ANKS1B: variants seen among roughly 807,000 people sequenced by gnomAD.
The protein encoded by ANKS1B is ankyrin repeat and sterile alpha motif domain-containing protein 1B.
Under a neutral mutation model 148.3 loss-of-function variants are expected in ANKS1B, and 36 were observed. That is an observed-to-expected ratio of 0.24 (90% CI 0.19 to 0.32). ANKS1B has a LOEUF of 0.32. Ranked by LOEUF, ANKS1B falls within the 10% of genes least tolerant of loss-of-function variation. ANKS1B has a pLI of 1.00. For synonymous variants in ANKS1B, 542 were observed against 560.8 expected, an observed-to-expected ratio of 0.97 and a Z score of 0.47; for missense variants, 1,157 against 1,542.6, an observed-to-expected ratio of 0.75 and a Z score of 4.19.
At chr12:98,954,433 GAT>G (rs1206625607) in intron 17 of ANKS1B, 2 of 152,202 alleles carry the variant, frequency 1.3e-5, no homozygotes, top group Non-Finnish European at 2.9e-5. Flanking sequence ...TTGCCAATGA[GAT>G]ACTGTTAAGA....
intron 9 of ANKS1B, among the ~76,000 whole-genome samples, chr12:99,551,507 T>C (rs1201601124): frequency 1.6e-5 from 2 of 123,588 alleles, no homozygotes; most frequent in East Asian, 4.8e-4. Context: ...ATGTTTACTA[T>C]GAGTTGGAAG....
At chr12:99,544,675 A>G (rs1273583234) in intron 9 of ANKS1B, among the ~76,000 whole-genome samples, 1 of 152,142 alleles carries the variant, frequency 6.6e-6, no homozygotes, top group Non-Finnish European at 1.5e-5. Context: ...GTCATTCAGG[A>G]TGACAGAACA....
chr12:99,117,976 T>C (rs1185374101), intron 15 of ANKS1B, among the ~76,000 whole-genome samples: 1 of 152,238 alleles, frequency 6.6e-6, no homozygotes, highest in Non-Finnish European at 1.5e-5. Context: ...TTTTCTAGTT[T>C]ATATGCATAG....
chr12:99,614,349 C>T (rs2097928710), intron 9 of ANKS1B, among the ~76,000 whole-genome samples: 1 of 151,634 alleles, frequency 6.6e-6, no homozygotes. Context: ...ACATGAGAAT[C>T]ACTTGAATGC....
intron 11 of ANKS1B, among the ~76,000 whole-genome samples, chr12:99,403,767 T>C (rs1594090750): frequency 1.4e-5 from 2 of 145,866 alleles, no homozygotes; most frequent in East Asian, 3.8e-4. Context: ...ATTTTGAGGA[T>C]ATTTCTGTTC....
chr12:99,630,756 G>A (rs1418185987), intron 9 of ANKS1B, among the ~76,000 whole-genome samples: 1 of 152,156 alleles, frequency 6.6e-6, no homozygotes, highest in Non-Finnish European at 1.5e-5. Flanking sequence ...GACTCACTGT[G>A]TGATGCCCCG....
chr12:98,949,479 T>C (rs1168914929), intron 17 of ANKS1B, among the ~76,000 whole-genome samples: 1 of 152,216 alleles, frequency 6.6e-6, no homozygotes, highest in East Asian at 1.9e-4. Flanking sequence ...CTTTAAAATC[T>C]TGACTCTTTG....
chr12:98,765,064 A>C (rs972913154), intron 25 of ANKS1B, among the ~76,000 whole-genome samples: 2 of 152,234 alleles, frequency 1.3e-5, no homozygotes, highest in African/African-American at 4.8e-5. Flanking sequence ...CCGGGACATA[A>C]AGCCTCACAC....
intron 16 of ANKS1B, among the ~76,000 whole-genome samples, chr12:99,077,677 T>G (rs780648860): frequency 6.6e-6 from 1 of 152,176 alleles, no homozygotes; most frequent in Non-Finnish European, 1.5e-5. Context: ...GTTAAGGACT[T>G]AGAGAGCACT....
intron 1 of ANKS1B, among the ~76,000 whole-genome samples, chr12:99,915,809 G>GT (rs1296488638): frequency 1.3e-5 from 2 of 152,174 alleles, no homozygotes; most frequent in Non-Finnish European, 2.9e-5. Context: ...TCAAGACATT[G>GT]TTGGTTCCTT....
At chr12:99,020,587 A>G (rs1434558975) in intron 17 of ANKS1B, among the ~76,000 whole-genome samples, 2 of 152,130 alleles carry the variant, frequency 1.3e-5, no homozygotes, top group Non-Finnish European at 2.9e-5. Context: ...TATTTTTCCT[A>G]TAGCCAATGA....
chr12:99,811,249 C>A (rs1015573002), intron 3 of ANKS1B, among the ~76,000 whole-genome samples: 2 of 151,888 alleles, frequency 1.3e-5, no homozygotes, highest in Non-Finnish European at 2.9e-5. Context: ...GCAAAGTCTG[C>A]ATCCATTTGA....
intron 12 of ANKS1B, among the ~76,000 whole-genome samples, chr12:99,281,874 T>C (rs1374772123): frequency 6.6e-6 from 1 of 152,204 alleles, no homozygotes; most frequent in African/African-American, 2.4e-5. Flanking sequence ...ATGCTGATAC[T>C]CAACTTTATT....
chr12:98,841,605 A>T (rs2099406421), intron 17 of ANKS1B, among the ~76,000 whole-genome samples: 1 of 152,224 alleles, frequency 6.6e-6, no homozygotes, highest in South Asian at 2.1e-4. Flanking sequence ...CACAGATTTT[A>T]CTTAGCCTAG....
chr12:98,859,938 A>G lies in ANKS1B; in HGVS notation c.2779-27802T>C, dbSNP rs550525461. 4.4e-3 allele frequency among the ~76,000 whole-genome samples: 663 copies of G among 152,340 alleles called. 1 individual carries two copies. Among genetic ancestry groups the G allele is most frequent in the Admixed American group, 6.5e-3 (100 of 15,300 alleles). ...TCATATTTTCTTTATTACACAGGAA[A>G]AAAACTTTATTGCACAGACAAACAG... On this transcript the variant is annotated intron_variant, in intron 17 of 26. Transcript: ENST00000683438.
intron 10 of ANKS1B, among the ~76,000 whole-genome samples, chr12:99,467,613 A>G (rs1471417602): frequency 2.0e-5 from 3 of 152,112 alleles, no homozygotes; most frequent in Non-Finnish European, 4.4e-5. Context: ...AAATCAATGT[A>G]CAAAAATCAC....
intron 17 of ANKS1B, among the ~76,000 whole-genome samples, chr12:99,037,923 G>A (rs1464617233): frequency 2.0e-5 from 3 of 152,174 alleles, no homozygotes; most frequent in African/African-American, 7.2e-5. Context: ...CAGGTCAATA[G>A]CTGAGGACAC....
At chr12:99,011,753 T>C (rs1474748435) in intron 17 of ANKS1B, among the ~76,000 whole-genome samples, 1 of 152,216 alleles carries the variant, frequency 6.6e-6, no homozygotes, top group African/African-American at 2.4e-5. Context: ...AGTCACAAAC[T>C]GTCAGTAACA....
intron 17 of ANKS1B, among the ~76,000 whole-genome samples, chr12:98,978,195 T>G (rs931606935): frequency 3.3e-5 from 5 of 152,204 alleles, no homozygotes; most frequent in Admixed American, 2.0e-4. Context: ...TCTATTACCT[T>G]GCTACTTGTT....
Sources: gnomAD v4.1 joint callset for allele counts (sites outside exome capture counted in the v4.1 genomes callset) on GRCh38, gnomAD v4.1.1 for gene constraint, MANE v1.5 for transcripts, NCBI Gene and HGNC (gene_info 2026-07-23, HGNC 2026-07-21) for gene names.